Variants in SNX24 observed in about 807,000 individuals in gnomAD.
SNX24 encodes sorting nexin-24.
In SNX24, 22 loss-of-function variants were observed where a neutral mutation model predicts 28.7. The observed-to-expected ratio is 0.77, with a 90% CI of 0.55 to 1.10. The LOEUF is 1.10. SNX24 is among the 50% of genes least tolerant of loss of function. SNX24 has a pLI of 0.00. For missense variants in SNX24, 221 were observed against 201.1 expected, an observed-to-expected ratio of 1.10 and a Z score of -0.60; for synonymous variants, 69 against 71.5, an observed-to-expected ratio of 0.96 and a Z score of 0.18.
intron 3 of SNX24, among the ~76,000 whole-genome samples, chr5:122,988,243 A>G (rs948340734): frequency 2.0e-5 from 3 of 152,168 alleles, no homozygotes; most frequent in Non-Finnish European, 4.4e-5. Context: ...GCCCAGCCCC[A>G]GTGATGTCTG....
rs578002481 is a variant in SNX24 at position 122,853,288 on chromosome 5, T to G, written c.60+7595T>G. Among the ~76,000 whole-genome samples the G allele has an allele frequency of 7.6e-4, 116 of 151,922 alleles. No homozygotes were observed. In the South Asian group the frequency reaches 0.011, roughly 14 times the overall value. ...ACTACAGGCACCCGCCACCAAGGCC[T>G]GCTAATGTTTTGTATTTTTTAGTAG... On this transcript the variant is annotated intron_variant, in intron 1 of 6. Coordinates refer to ENST00000261369, the MANE Select transcript of SNX24 (RefSeq NM_014035.4).
At chr5:122,939,842 C>G (rs779066254) in intron 2 of SNX24, among the ~76,000 whole-genome samples, 1 of 152,124 alleles carries the variant, frequency 6.6e-6, no homozygotes. Flanking sequence ...ACAACCCTTC[C>G]TAACCTACCT....
chr5:122,866,738 A>T (rs1291711519), intron 1 of SNX24, among the ~76,000 whole-genome samples: 1 of 152,216 alleles, frequency 6.6e-6, no homozygotes, highest in Non-Finnish European at 1.5e-5. Context: ...GGTAGGCAGG[A>T]TCAGTCACCC....
At chr5:122,913,568 G>T (rs1360872440) in intron 1 of SNX24, among the ~76,000 whole-genome samples, 2 of 151,628 alleles carry the variant, frequency 1.3e-5, no homozygotes, top group Non-Finnish European at 2.9e-5. Flanking sequence ...GGGCGGAGGG[G>T]CTCCTCACTT....
intron 1 of SNX24, among the ~76,000 whole-genome samples, chr5:122,858,137 C>G (rs1008547507): frequency 6.6e-6 from 1 of 152,122 alleles, no homozygotes; most frequent in Non-Finnish European, 1.5e-5. Flanking sequence ...TAGCCAGCAC[C>G]ATTTATTGAG....
intron 5 of SNX24, among the ~76,000 whole-genome samples, chr5:123,028,288 A>C (rs1453351094): frequency 6.6e-6 from 1 of 152,090 alleles, no homozygotes; most frequent in Admixed American, 6.6e-5. Flanking sequence ...CTTGTTTTTC[A>C]CTGTTTTGTC....
At chr5:122,995,552 A>G (rs1470565398) in intron 3 of SNX24, among the ~76,000 whole-genome samples, 1 of 152,160 alleles carries the variant, frequency 6.6e-6, no homozygotes, top group African/African-American at 2.4e-5. Flanking sequence ...TGGAAGGAAC[A>G]CTTCTTGCAG....
At chr5:122,847,747 GC>G (rs1179159720) in intron 1 of SNX24, among the ~76,000 whole-genome samples, 1 of 152,036 alleles carries the variant, frequency 6.6e-6, no homozygotes, top group African/African-American at 2.4e-5. Context: ...ATCTGCCTAG[GC>G]CTCCCAAAGT....
At chr5:122,889,709 G>A (rs556421446) in intron 1 of SNX24, among the ~76,000 whole-genome samples, 65 of 110,130 alleles carry the variant, frequency 5.9e-4, no homozygotes, top group Non-Finnish European at 8.3e-4. Flanking sequence ...GTATATATAT[G>A]TATATATATA....
chr5:122,888,374 AG>A (rs1224334568), intron 1 of SNX24, among the ~76,000 whole-genome samples: 80 of 152,256 alleles, frequency 5.3e-4, no homozygotes, highest in Non-Finnish European at 5.9e-5. Flanking sequence ...CCTGAGTTCA[AG>A]TCTTGGCGCT....
At chr5:122,997,615 T>C (rs1762095947) in intron 3 of SNX24, among the ~76,000 whole-genome samples, 1 of 152,234 alleles carries the variant, frequency 6.6e-6, no homozygotes, top group Non-Finnish European at 1.5e-5. Context: ...AAATCTTGCA[T>C]TAATAAACCT....
chr5:122,919,055 C>G (rs573030906), intron 1 of SNX24, among the ~76,000 whole-genome samples: 4 of 152,332 alleles, frequency 2.6e-5, no homozygotes, highest in African/African-American at 9.6e-5. Context: ...TTTCTTGAAT[C>G]TGCCTTTAAT....
rs1759675386 is a variant in SNX24 at position 122,946,169 on chromosome 5, G to A, written c.249+10G>A. On this transcript the variant is annotated intron_variant, in intron 3 of 6. Coordinates refer to ENST00000261369, the MANE Select transcript of SNX24 (RefSeq NM_014035.4). ...GGAAACATACTTACAGGTAAGATAT[G>A]TTTAGATCCTCATTTTATATAACAT... The A allele has an allele frequency of 3.0e-5, 44 of 1,468,080 alleles. No homozygotes were observed. The highest frequency in any genetic ancestry group is 4.2e-5 in the Non-Finnish European group (44 of 1,053,010). 90.9% of individuals were successfully genotyped at this position (1,468,080 alleles called of 1,614,324 possible).
intron 5 of SNX24, among the ~76,000 whole-genome samples, chr5:123,021,298 C>A (rs1215721983): frequency 1.3e-5 from 2 of 152,196 alleles, no homozygotes; most frequent in African/African-American, 4.8e-5. Context: ...AGCTCTATCC[C>A]ACCCTACAAT....
intron 1 of SNX24, 34 bp from the exon 2 acceptor site, chr5:122,936,688 GAGGGTTTTGAAC>G: frequency 9.2e-7 from 1 of 1,089,276 alleles, no homozygotes; most frequent in Non-Finnish European, 1.4e-6. Context: ...TCAGACAATT[GAGGGTTTTGAAC>G]TAATATAATT....
rs138279312 is a variant in SNX24 at position 122,973,755 on chromosome 5, G to A, written c.250-26157G>A. On this transcript the variant is annotated intron_variant, in intron 3 of 6. Transcript: ENST00000261369. ...TGGTAAGTTGGCAACCCATAGTCAA[G>A]CGTTCAGTTTCTACAAAAGCCAAGT... is the stretch of plus-strand genomic sequence containing the variant. Among the ~76,000 whole-genome samples the A allele has an allele frequency of 9.8e-5, 15 of 152,322 alleles. No homozygotes were observed. In the East Asian group the frequency reaches 2.9e-3, roughly 29 times the overall value.
intron 1 of SNX24, among the ~76,000 whole-genome samples, chr5:122,909,838 C>G (rs796761485): frequency 6.6e-6 from 1 of 152,136 alleles, no homozygotes; most frequent in African/African-American, 2.4e-5. Context: ...AAATACTTAC[C>G]AAAGGAATGC....
chr5:122,991,763 TTTGTTGTTG>T (rs770536184), intron 3 of SNX24, among the ~76,000 whole-genome samples: 2 of 147,674 alleles, frequency 1.4e-5, no homozygotes, highest in African/African-American at 2.5e-5. Context: ...ACCCAGTCGT[TTTGTTGTTG>T]TTGTTGTTGT....
intron 3 of SNX24, among the ~76,000 whole-genome samples, chr5:122,967,243 A>G (rs895770305): frequency 6.6e-6 from 1 of 152,136 alleles, no homozygotes. Context: ...TCACCACCAT[A>G]CTAGCTCAGC....
Sources: allele counts gnomAD v4.1 joint callset (sites outside exome capture counted in the v4.1 genomes callset), GRCh38; gene constraint gnomAD v4.1.1; transcripts MANE v1.5; gene names NCBI Gene and HGNC (gene_info 2026-07-23, HGNC 2026-07-21).